The following ADGRB3 variants were observed in gnomAD, a reference collection of about 807,000 sequenced individuals.
ADGRB3 encodes the protein brain-specific angiogenesis inhibitor 3.
ADGRB3 carries 37 observed loss-of-function variants against 193.4 expected under a neutral mutation model. The observed-to-expected ratio is 0.19, with a 90% CI of 0.15 to 0.25. The LOEUF is 0.25. ADGRB3 is among the 10% of genes least tolerant of loss of function. The pLI is 1.00. For missense variants in ADGRB3, 1,637 were observed against 1,852.9 expected, an observed-to-expected ratio of 0.88 and a Z score of 2.14; for synonymous variants, 690 against 644.2, an observed-to-expected ratio of 1.07 and a Z score of -1.08.
intron 3 of ADGRB3, among the ~76,000 whole-genome samples, chr6:68,812,035 C>A (rs1322119571): frequency 1.3e-5 from 2 of 152,286 alleles, no homozygotes; most frequent in East Asian, 3.9e-4. Context: ...TTAACCAGAA[C>A]TTTTATGATT....
intron 3 of ADGRB3, among the ~76,000 whole-genome samples, chr6:68,875,478 C>T (rs1490308375): frequency 1.3e-5 from 2 of 151,804 alleles, no homozygotes; most frequent in East Asian, 1.9e-4. Context: ...CATCTAGCAA[C>T]AAATGCACAT....
chr6:69,297,731 C>T (rs1407996648), intron 20 of ADGRB3, among the ~76,000 whole-genome samples: 1 of 151,620 alleles, frequency 6.6e-6, no homozygotes, highest in Non-Finnish European at 1.5e-5. Flanking sequence ...CAAATGAATA[C>T]TAAAAAAGCA....
intron 3 of ADGRB3, among the ~76,000 whole-genome samples, chr6:68,865,707 T>C (rs944309306): frequency 6.6e-6 from 1 of 152,132 alleles, no homozygotes; most frequent in East Asian, 1.9e-4. Flanking sequence ...TGGAAACTCA[T>C]TCATTTTCCT....
chr6:69,354,673 A>G lies in ADGRB3; in HGVS notation c.3555+345A>G, dbSNP rs573327955. Among the ~76,000 whole-genome samples, 230 of 152,352 alleles carry G rather than the reference A, an allele frequency of 1.5e-3. 3 individuals carry two copies. The highest frequency in any genetic ancestry group is 7.9e-4 in the Non-Finnish European group (54 of 68,028). On this transcript the variant is annotated intron_variant, in intron 27 of 31. Coordinates refer to ENST00000370598, the MANE Select transcript of ADGRB3 (RefSeq NM_001704.3). ...GAACCTGCACTTCTAGTCTTAAAGC[A>G]GTGGTTCTTGGCCTTAGTGAAACAT... is the stretch of plus-strand genomic sequence containing the variant.
At chr6:69,208,523 C>T (rs1381457909) in intron 17 of ADGRB3, among the ~76,000 whole-genome samples, 1 of 152,208 alleles carries the variant, frequency 6.6e-6, no homozygotes, top group Non-Finnish European at 1.5e-5. Flanking sequence ...GGAAGATTTC[C>T]CGTCACTGCT....
chr6:69,180,949 T>G (rs576001887), intron 17 of ADGRB3, among the ~76,000 whole-genome samples: 2 of 152,288 alleles, frequency 1.3e-5, no homozygotes, highest in Admixed American at 1.3e-4. Flanking sequence ...CCTGGTGTCT[T>G]TCCCTCACAG....
At chr6:69,275,369 AAAG>A (rs747142239) in intron 20 of ADGRB3, among the ~76,000 whole-genome samples, 3 of 152,168 alleles carry the variant, frequency 2.0e-5, no homozygotes, top group Non-Finnish European at 4.4e-5. Flanking sequence ...AAAAAACTAA[AAAG>A]AAAAATAGGA....
chr6:68,936,544 C>G lies in ADGRB3; in HGVS notation c.894C>G (p.Ser298=). Residue 298 remains serine (S), a synonymous_variant, in exon 5 of 32, where the codon TCC becomes TCG. Coordinates refer to ENST00000370598, the MANE Select transcript of ADGRB3 (RefSeq NM_001704.3). ...QTGESGVEEW[S]QWSTCSVTCG... is the part of the protein sequence containing the mutation. ...GTGAATCTGGTGTGGAAGAGTGGTC[C>G]CAGTGGAGCACATGTTCGGTTACTT... is the stretch of plus-strand genomic sequence containing the variant. 1 of 1,613,708 alleles carries G rather than the reference C, an allele frequency of 6.2e-7. No homozygotes were observed. The highest frequency in any genetic ancestry group is 8.5e-7 in the Non-Finnish European group (1 of 1,179,870).
chr6:69,063,853 A>T (rs1052902617), intron 16 of ADGRB3, among the ~76,000 whole-genome samples: 2 of 152,036 alleles, frequency 1.3e-5, no homozygotes, highest in African/African-American at 4.8e-5. Context: ...GAGCAAGGAA[A>T]GTGATCCCTA....
intron 4 of ADGRB3, among the ~76,000 whole-genome samples, chr6:68,935,607 T>C (rs1474688020): frequency 6.6e-6 from 1 of 152,172 alleles, no homozygotes; most frequent in Non-Finnish European, 1.5e-5. Flanking sequence ...CCAGTGTGAC[T>C]TTGGAGAAAA....
chr6:69,157,027 A>G (rs1394556421), intron 17 of ADGRB3, among the ~76,000 whole-genome samples: 1 of 152,232 alleles, frequency 6.6e-6, no homozygotes, highest in Non-Finnish European at 1.5e-5. Context: ...GCGCAGCAGA[A>G]TGGTGAAGGC....
At position 69,178,211 on chromosome 6, in the gene ADGRB3, GTTGGTT is replaced by G. The variant is rs1397298707; in HGVS notation, c.2481-55077_2481-55072del. 1.2e-3 allele frequency among the ~76,000 whole-genome samples: 189 copies of G among 152,032 alleles called. 2 individuals are homozygous for G. The highest frequency in any genetic ancestry group is 0.011 in the South Asian group (52 of 4,812). ...CCCTTATTTGTCCTTTTTTACTTTG[GTTGGTT>G]TAAAGTCTTTTTTATCTGATATAAT... On this transcript the variant is annotated intron_variant, in intron 17 of 31. Coordinates refer to ENST00000370598, the MANE Select transcript of ADGRB3 (RefSeq NM_001704.3).
At chr6:68,825,501 C>T (rs1481406849) in intron 3 of ADGRB3, among the ~76,000 whole-genome samples, 17 of 152,138 alleles carry the variant, frequency 1.1e-4, no homozygotes, top group Admixed American at 9.2e-4. Flanking sequence ...AATGCCTCTT[C>T]GATACCGACA....
At chr6:68,946,702 A>T (rs956996767) in intron 6 of ADGRB3, among the ~76,000 whole-genome samples, 3 of 152,106 alleles carry the variant, frequency 2.0e-5, no homozygotes, top group Non-Finnish European at 4.4e-5. Context: ...ACTACTCACT[A>T]CTTTTGCAGG....
chr6:69,224,883 A>G (rs765381525), intron 17 of ADGRB3, among the ~76,000 whole-genome samples: 2 of 152,178 alleles, frequency 1.3e-5, no homozygotes, highest in Admixed American at 6.5e-5. Context: ...CATCTCATTG[A>G]GAGCAATAAT....
In ADGRB3 at chr6:69,233,340, C is replaced by T. The variant is rs984078313; in HGVS notation, c.2531C>T (p.Thr844Ile). 1 of 1,613,982 alleles carries T rather than the reference C, an allele frequency of 6.2e-7. No individual in the cohort carries two copies. Among genetic ancestry groups the T allele is most frequent in the African/African-American group, 1.3e-5 (1 of 74,914 alleles). Residue 844 changes from threonine (T) to isoleucine (I), a missense_variant, in exon 18 of 32, where the codon ACC becomes ATC. Around this residue, in one of 7 missense-constraint regions of ADGRB3, gnomAD observed 641 missense variants for 673.9 expected, o/e 0.95. Coordinates refer to ENST00000370598, the MANE Select transcript of ADGRB3 (RefSeq NM_001704.3). ...WSTQGCKTVL[T>I]DASHTKCLCD... ...ACCCAGGGATGTAAAACTGTGCTTA[C>T]CGATGCATCCCATACGAAATGCTTA...
intron 17 of ADGRB3, among the ~76,000 whole-genome samples, chr6:69,148,959 CT>C (rs1437434122): frequency 1.3e-5 from 2 of 151,946 alleles, no homozygotes; most frequent in African/African-American, 4.8e-5. Context: ...TTTTAGGATC[CT>C]TTCTTTTTCC....
intron 3 of ADGRB3, among the ~76,000 whole-genome samples, chr6:68,711,586 T>C (rs1765409757): frequency 6.6e-6 from 1 of 152,120 alleles, no homozygotes; most frequent in South Asian, 2.1e-4. Context: ...TGTTTTGTTT[T>C]TCTTTGTTGG....
At chr6:68,818,480 G>C (rs937673460) in intron 3 of ADGRB3, among the ~76,000 whole-genome samples, 3 of 151,978 alleles carry the variant, frequency 2.0e-5, no homozygotes, top group Admixed American at 1.3e-4. Context: ...GAATGAAACA[G>C]CTTGGTGTGG....
Sources: gnomAD v4.1 joint callset for allele counts (sites outside exome capture counted in the v4.1 genomes callset) on GRCh38, gnomAD v4.1.1 for gene constraint, gnomAD v4.1.1 regional missense constraint, MANE v1.5 for transcripts, NCBI Gene and HGNC (gene_info 2026-07-23, HGNC 2026-07-21) for gene names.